The following SLC25A48 variants were observed in gnomAD, a reference collection of about 807,000 sequenced individuals.
The protein encoded by SLC25A48 is CTC-321K16.1.
A neutral mutation model predicts 32.2 loss-of-function variants in SLC25A48; 29 were observed. That is an observed-to-expected ratio of 0.90 (90% CI 0.67 to 1.23). The LOEUF (loss-of-function observed/expected upper bound fraction) is 1.23, where lower values mean the gene tolerates loss of function less well. Among genes scored for constraint, SLC25A48 ranks in the 50% most tolerant of loss-of-function variants. The probability of loss-of-function intolerance (pLI) is 0.00; values close to 1 mark genes in which losing one functional copy is unlikely to be tolerated. For synonymous variants in SLC25A48, 164 were observed against 172.3 expected (o/e 0.95, Z 0.38); for missense variants, 399 against 422.7 (o/e 0.94, Z 0.49).
rs966073970 is a variant in SLC25A48 at position 135,646,678 on chromosome 5, T to TATATATATATATATATATATATACACAC, written c.-521+11723_-521+11724insTATATATATATATATATATATACACACA. Reference sequence around the variant, plus strand: ...TTCCCATTATATATATATATATATATACAATGGGAAGGACATAATGCTAAG... The same window carrying TATATATATATATATATATATATACACAC: ...TTCCCATTATATATATATATATATATATATATATATATATATATATATACACACACAATGGGAAGGACATAATGCTAAG... On this transcript the variant is annotated intron_variant, in intron 3 of 10. Coordinates refer to the SLC25A48 transcript ENST00000646290. Among the ~76,000 whole-genome samples, 189 of 136,700 alleles carry TATATATATATATATATATATATACACAC rather than the reference T, an allele frequency of 1.4e-3. 3 individuals are homozygous for TATATATATATATATATATATATACACAC. Among genetic ancestry groups the TATATATATATATATATATATATACACAC allele is most frequent in the African/African-American group, 5.1e-3 (184 of 36,416 alleles). 89.7% of individuals were successfully genotyped at this position (136,700 alleles called of 152,430 possible). A position where few individuals can be genotyped will look rare whatever the true frequency, so the allele number is the denominator to read the frequency against.
intron 1 of SLC25A48, among the ~76,000 whole-genome samples, chr5:135,620,465 G>C (rs1418333133): frequency 6.6e-6 from 1 of 152,170 alleles, no homozygotes; most frequent in Non-Finnish European, 1.5e-5. Flanking sequence ...TCCTAGTCCT[G>C]CTACTGGGGA....
intron 2 of SLC25A48, among the ~76,000 whole-genome samples, chr5:135,847,521 G>T (rs1457075148): frequency 6.6e-6 from 1 of 152,218 alleles, no homozygotes; most frequent in Non-Finnish European, 1.5e-5. Context: ...AAACTTTGCA[G>T]GTATGATTAT....
At chr5:135,693,961 G>GGA (rs397748951) in intron 3 of SLC25A48, among the ~76,000 whole-genome samples, 7 of 9,292 alleles carry the variant, frequency 7.5e-4, no homozygotes, top group Non-Finnish European at 3.4e-3. Flanking sequence ...ACATTCTGGA[G>GGA]AAAAAAAAGC....
At chr5:135,652,209 C>T (rs1340633102) in intron 3 of SLC25A48, 1 of 376,294 alleles carries the variant, frequency 2.7e-6, no homozygotes, top group Admixed American at 3.3e-5. Context: ...AGAGACTAAA[C>T]ACTGAGCCCC....
rs1234450322 is a variant in SLC25A48 at position 135,871,695 on chromosome 5, T to C, written c.656T>C (p.Val219Ala). The C allele has an allele frequency of 6.2e-7, 1 of 1,613,756 alleles. No homozygotes were observed. Among genetic ancestry groups the C allele is most frequent in the South Asian group, 1.1e-5 (1 of 91,010 alleles). ...EACTGPSPCA[V>A]WLAGGMAGAI... ...TGCACAGGCCCCAGCCCCTGTGCCG[T>C]GTGGCTGGCGGGCGGCATGGCAGGT... is the stretch of plus-strand genomic sequence containing the variant. The change falls in exon 5 of 8, where the codon GTG (valine) becomes GCG (alanine). Residue 219 changes from valine to alanine, a missense_variant. By Grantham distance (64) the Val-to-Ala change is moderately conservative. Transcript: ENST00000681962.
intron 3 of SLC25A48, among the ~76,000 whole-genome samples, chr5:135,731,603 A>G (rs1472484230): frequency 6.6e-6 from 1 of 152,140 alleles, no homozygotes; most frequent in Non-Finnish European, 1.5e-5. Context: ...TAAAAGGAGC[A>G]TTTGTCATAT....
intron 3 of SLC25A48, among the ~76,000 whole-genome samples, chr5:135,771,722 G>T (rs1463989747): frequency 6.6e-6 from 1 of 151,406 alleles, no homozygotes; most frequent in Non-Finnish European, 1.5e-5. Flanking sequence ...ATGTGATATT[G>T]TTTGTAATAT....
At chr5:135,773,656 C>G (rs1756474891) in intron 3 of SLC25A48, among the ~76,000 whole-genome samples, 1 of 151,586 alleles carries the variant, frequency 6.6e-6, no homozygotes, top group Non-Finnish European at 1.5e-5. Context: ...GTGTACACCC[C>G]CTTTGAGATA....
intron 3 of SLC25A48, among the ~76,000 whole-genome samples, chr5:135,796,978 T>C (rs1757198097): frequency 6.6e-6 from 1 of 151,516 alleles, no homozygotes; most frequent in Admixed American, 6.6e-5. Context: ...TCAAGGGTGG[T>C]TTTCACCCCC....
At chr5:135,579,173 C>A, upstream of SLC25A48, 1 of 320,742 alleles carries the variant, frequency 3.1e-6, no homozygotes, top group Non-Finnish European at 5.7e-6. Context: ...CAGCGGCGCA[C>A]ACCCGGAGCC....
chr5:135,773,418 A>T (rs1448760021), intron 3 of SLC25A48, among the ~76,000 whole-genome samples: 1 of 151,106 alleles, frequency 6.6e-6, no homozygotes, highest in African/African-American at 2.4e-5. Context: ...GGGGCAGAGG[A>T]TGATATTACT....
chr5:135,776,728 C>A (rs1380598643), intron 3 of SLC25A48, among the ~76,000 whole-genome samples: 1 of 149,898 alleles, frequency 6.7e-6, no homozygotes. Flanking sequence ...TCCTAAAACC[C>A]GGGGGGTGGG....
intron 1 of SLC25A48, among the ~76,000 whole-genome samples, chr5:135,839,722 T>C (rs895681895): frequency 2.6e-5 from 4 of 152,142 alleles, no homozygotes; most frequent in African/African-American, 9.7e-5. Context: ...GCTCCCATAA[T>C]ATGTCATGGG....
chr5:135,872,850 A>C (rs1338697269), intron 5 of SLC25A48: 1 of 152,350 alleles, frequency 6.6e-6, no homozygotes, highest in Non-Finnish European at 1.5e-5. Flanking sequence ...CATAGCAGAC[A>C]TATAACGAAG....
chr5:135,619,696 G>A (rs893140393), intron 1 of SLC25A48, among the ~76,000 whole-genome samples: 9 of 152,166 alleles, frequency 5.9e-5, no homozygotes, highest in Non-Finnish European at 8.8e-5. Context: ...ATTGGGTAGC[G>A]TACTTTGGCT....
chr5:135,744,404 G>C (rs192066287), intron 3 of SLC25A48, among the ~76,000 whole-genome samples: 1 of 151,844 alleles, frequency 6.6e-6, no homozygotes, highest in Admixed American at 6.6e-5. Context: ...AGGCTGGGGG[G>C]CAGTGGCATG....
chr5:135,854,707 C>T (rs1263082896), intron 4 of SLC25A48, among the ~76,000 whole-genome samples: 1 of 152,236 alleles, frequency 6.6e-6, no homozygotes, highest in Non-Finnish European at 1.5e-5. Flanking sequence ...GGATATTTCA[C>T]TATCTTATTA....
intron 3 of SLC25A48, among the ~76,000 whole-genome samples, chr5:135,767,397 G>A (rs1756270674): frequency 6.6e-6 from 1 of 151,946 alleles, no homozygotes; most frequent in Non-Finnish European, 1.5e-5. Flanking sequence ...TGCGGGCGGT[G>A]CACACACCCC....
intron 3 of SLC25A48, among the ~76,000 whole-genome samples, chr5:135,730,011 C>A (rs764857259): frequency 7.9e-5 from 12 of 152,104 alleles, no homozygotes; most frequent in Non-Finnish European, 1.6e-4. Flanking sequence ...CATGTCCCTG[C>A]CCAGAGCTCA....
Sources: allele counts gnomAD v4.1 joint callset (sites outside exome capture counted in the v4.1 genomes callset), GRCh38; gene constraint gnomAD v4.1.1; transcripts MANE v1.5; gene names NCBI Gene and HGNC (gene_info 2026-07-23, HGNC 2026-07-21).